RBKS: variants seen among roughly 807,000 people sequenced by gnomAD.
RBKS encodes the protein ribokinase.
RBKS carries 33 observed loss-of-function variants against 33.9 expected under a neutral mutation model. The observed-to-expected ratio is 0.97, with a 90% CI of 0.74 to 1.30. RBKS has a LOEUF of 1.30. Among genes scored for constraint, RBKS ranks in the 50% most tolerant of loss-of-function variants. RBKS has a pLI of 0.00. For missense variants in RBKS, 361 were observed against 392.6 expected, an observed-to-expected ratio of 0.92 and a Z score of 0.68; for synonymous variants, 125 against 143.0, an observed-to-expected ratio of 0.87 and a Z score of 0.90.
At chr2:27,877,082 G>T (rs1315188248) in intron 1 of RBKS, among the ~76,000 whole-genome samples, 2 of 152,086 alleles carry the variant, frequency 1.3e-5, no homozygotes, top group African/African-American at 4.8e-5. Flanking sequence ...TCTTAATTAG[G>T]TATTAGCTGG....
chr2:27,783,154 C>T (rs1160154313), intron 7 of RBKS, among the ~76,000 whole-genome samples: 1 of 152,026 alleles, frequency 6.6e-6, no homozygotes, highest in Non-Finnish European at 1.5e-5. Context: ...TACAAGATGC[C>T]CCAGGGGGCC....
Position 27,890,064 on chromosome 2 carries a change from A to G in RBKS, c.89+193T>C. On this transcript the variant is annotated intron_variant, in intron 1 of 7. Transcript: ENST00000302188. This position sits in a 1 kb window ranked among gnomAD's most constrained non-coding sequence, Gnocchi z 4.8. ...CTGGCCTATTACGTCCCCTCCCCTG[A>G]GATTTACCTTTATATACTCAAGTTC... 3.6e-6 allele frequency: 2 copies of G among 554,218 alleles called. No individual in the cohort carries two copies. The highest frequency in any genetic ancestry group is 6.4e-6 in the Non-Finnish European group (2 of 310,578). The allele number at this position is 554,218 out of a possible 1,614,324, so 34.3% of individuals were successfully genotyped here. A position where few individuals can be genotyped will look rare whatever the true frequency, so the allele number is the denominator to read the frequency against.
At chr2:27,794,211 C>T (rs1383148940) in intron 7 of RBKS, among the ~76,000 whole-genome samples, 9 of 151,066 alleles carry the variant, frequency 6.0e-5, no homozygotes, top group South Asian at 4.2e-4. Context: ...GCAGGAGAAT[C>T]GCTTGAACCT....
At position 27,782,512 on chromosome 2, in the gene RBKS, G is replaced by T. The variant is rs185678466; in HGVS notation, c.796-724C>A. The T allele has an allele frequency of 8.4e-5, 32 of 379,238 alleles. No individual in the cohort carries two copies. In the East Asian group the frequency reaches 2.3e-3, roughly 27 times the overall value. 23.5% of individuals were successfully genotyped at this position (379,238 alleles called of 1,614,324 possible). A position where few individuals can be genotyped will look rare whatever the true frequency, so the allele number is the denominator to read the frequency against. On this transcript the variant is annotated intron_variant, in intron 7 of 7. Coordinates refer to ENST00000302188, the MANE Select transcript of RBKS (RefSeq NM_022128.3). Reference sequence around the variant, plus strand: ...TTGATGACTTTGATAGTTTTGAGGAGAACTGGTTATGTATTTTGTAGCACA... The same window carrying T: ...TTGATGACTTTGATAGTTTTGAGGATAACTGGTTATGTATTTTGTAGCACA...
intron 4 of RBKS, among the ~76,000 whole-genome samples, chr2:27,844,473 G>A (rs1025774766): frequency 1.2e-4 from 18 of 152,112 alleles, no homozygotes; most frequent in Non-Finnish European, 2.5e-4. Flanking sequence ...GCTCACTGCA[G>A]CCTCCACCTC....
chr2:27,861,257 C>T (rs111508175), intron 1 of RBKS, among the ~76,000 whole-genome samples: 3,543 of 152,018 alleles, frequency 0.023, 121 homozygotes, highest in African/African-American at 0.08. Flanking sequence ...CATGAGCCAC[C>T]GCGCCCAGCC....
chr2:27,832,743 A>G lies in RBKS; in HGVS notation c.549T>C (p.Ala183=). The G allele has an allele frequency of 6.2e-7, 1 of 1,613,472 alleles. No homozygotes were observed. The highest frequency in any genetic ancestry group is 8.5e-7 in the Non-Finnish European group (1 of 1,179,368). The stretch of plus-strand genomic sequence containing the variant: ...GGGTGTAGAACTGGGGATCCAGGTC[A>G]GCAATGGCAGGGGCTGGATTGAACA... ...KTLFNPAPAI[A]DLDPQFYTLS... The change falls in exon 6 of 8, where the codon GCT becomes GCC. Residue 183 remains alanine, a synonymous_variant. Coordinates refer to ENST00000302188, the MANE Select transcript of RBKS (RefSeq NM_022128.3).
intron 1 of RBKS, among the ~76,000 whole-genome samples, chr2:27,859,698 G>A (rs1437662542): frequency 1.3e-5 from 2 of 151,998 alleles, no homozygotes; most frequent in Non-Finnish European, 2.9e-5. Context: ...GGGTAGGTGT[G>A]ACCAAAAAAG....
chr2:27,782,859 A>G (rs992805172), intron 7 of RBKS, among the ~76,000 whole-genome samples: 1 of 152,080 alleles, frequency 6.6e-6, no homozygotes, highest in Admixed American at 6.6e-5. Context: ...GTTATGCTCT[A>G]TCTCCTTAAG....
intron 7 of RBKS, among the ~76,000 whole-genome samples, chr2:27,817,120 G>T (rs1436619287): frequency 6.6e-6 from 1 of 152,182 alleles, no homozygotes; most frequent in African/African-American, 2.4e-5. Context: ...GAAGGAACCA[G>T]AACTCTTTTA....
chr2:27,862,222 T>C (rs1400295092), intron 1 of RBKS, among the ~76,000 whole-genome samples: 1 of 151,974 alleles, frequency 6.6e-6, no homozygotes, highest in Admixed American at 6.6e-5. Flanking sequence ...AGTGTAGGGA[T>C]TGCATGCGTG....
At chr2:27,861,652 C>A in intron 1 of RBKS, 1 of 388,980 alleles carries the variant, frequency 2.6e-6, no homozygotes. Context: ...TTAGTATGTT[C>A]CATTTCTTTT....
At chr2:27,792,771 G>C (rs1186246476) in intron 7 of RBKS, among the ~76,000 whole-genome samples, 1 of 152,102 alleles carries the variant, frequency 6.6e-6, no homozygotes, top group African/African-American at 2.4e-5. Flanking sequence ...GGAAGCCATT[G>C]ATCCTGCCAG....
At chr2:27,843,040 G>A (rs1403111677) in intron 5 of RBKS, 27 bp downstream of exon 5, 2 of 1,518,664 alleles carry the variant, frequency 1.3e-6, no homozygotes, top group Non-Finnish European at 1.8e-6. Context: ...AGCTTTTATA[G>A]AAAGAATGAC....
chr2:27,787,592 G>A (rs1677429625), intron 7 of RBKS, among the ~76,000 whole-genome samples: 1 of 152,118 alleles, frequency 6.6e-6, no homozygotes, highest in Admixed American at 6.5e-5. Flanking sequence ...TAGAAGATAA[G>A]TCCTTCCTAT....
intron 2 of RBKS, among the ~76,000 whole-genome samples, chr2:27,849,940 G>A (rs1013388919): frequency 1.3e-5 from 2 of 152,144 alleles, no homozygotes; most frequent in East Asian, 1.9e-4. Flanking sequence ...CCTACTGTCC[G>A]TTTCTGGCCT....
rs1677283721 is a variant in RBKS at position 27,781,565 on chromosome 2, C to T, written c.*50G>A. 2 of 1,457,712 alleles carry T rather than the reference C, an allele frequency of 1.4e-6. No individual in the cohort carries two copies. The highest frequency in any genetic ancestry group is 1.9e-6 in the Non-Finnish European group (2 of 1,080,192). 90.3% of individuals were successfully genotyped at this position (1,457,712 alleles called of 1,614,324 possible). ...ATAAGCATTAGCCAGGAGCAGCCACCCCCAAGTACATTTTATTCCCAGGTA... is the reference window on the plus strand; with the variant it reads ...ATAAGCATTAGCCAGGAGCAGCCACTCCCAAGTACATTTTATTCCCAGGTA... On this transcript the variant is annotated 3_prime_UTR_variant, in exon 8 of 8. Transcript: ENST00000302188.
chr2:27,804,926 T>C (rs1169561048), intron 7 of RBKS, among the ~76,000 whole-genome samples: 1 of 151,556 alleles, frequency 6.6e-6, no homozygotes, highest in Non-Finnish European at 1.5e-5. Context: ...ACTCTGGAGG[T>C]TGAGGTGGGA....
chr2:27,798,363 A>C (rs1270453839), intron 7 of RBKS, among the ~76,000 whole-genome samples: 2 of 152,046 alleles, frequency 1.3e-5, no homozygotes, highest in Non-Finnish European at 2.9e-5. Flanking sequence ...GGCCGAAATG[A>C]ACTCAAAACT....
Sources: gnomAD v4.1 joint callset for allele counts (sites outside exome capture counted in the v4.1 genomes callset) on GRCh38, gnomAD v4.1.1 for gene constraint, Gnocchi (gnomAD v3.1) non-coding constraint, MANE v1.5 for transcripts, NCBI Gene and HGNC (gene_info 2026-07-23, HGNC 2026-07-21) for gene names.